The following EZH2 variants were observed in gnomAD, a reference collection of about 807,000 sequenced individuals.
EZH2 encodes the protein histone-lysine N-methyltransferase EZH2.
EZH2 carries 18 observed loss-of-function variants against 98.4 expected under a neutral mutation model. The ratio of observed to expected loss-of-function variants is 0.18; its 90% CI spans 0.13 to 0.27. The LOEUF (loss-of-function observed/expected upper bound fraction) is 0.27. Ranked by LOEUF, EZH2 falls within the 10% of genes least tolerant of loss-of-function variation. EZH2 has a pLI of 1.00. For missense variants in EZH2, 470 were observed against 935.1 expected (o/e 0.50, Z 6.49); for synonymous variants, 338 against 312.3 (o/e 1.08, Z -0.87).
chr7:148,808,020 G>A (rs1351448965), intron 19 of EZH2, among the ~76,000 whole-genome samples: 2 of 152,174 alleles, frequency 1.3e-5, no homozygotes, highest in Non-Finnish European at 2.9e-5. Flanking sequence ...CAGGAAGGCT[G>A]GTCCACATCA....
rs568889735 is a variant in EZH2, at chr7:148,835,191, G to A, written c.247-2441C>T. Among the ~76,000 whole-genome samples, 363 of 152,206 alleles carry A rather than the reference G, an allele frequency of 2.4e-3. 4 individuals carry two copies. The highest frequency in any genetic ancestry group is 2.2e-3 in the Non-Finnish European group (152 of 68,018). The stretch of plus-strand genomic sequence containing the variant: ...TCTCAGCACTTTGGCAGGCCAAGAC[G>A]GGCAGATCGCTTGAGCCCAGAAGTT... On this transcript the variant is annotated intron_variant, in intron 3 of 19. Transcript: ENST00000320356.
intron 1 of EZH2, among the ~76,000 whole-genome samples, chr7:148,850,002 T>C (rs1389996241): frequency 6.6e-6 from 1 of 152,136 alleles, no homozygotes; most frequent in Non-Finnish European, 1.5e-5. Flanking sequence ...TTCACTGATG[T>C]ATAATGTGGG....
chr7:148,811,904 A>C, intron 15 of EZH2, 184 bp from the exon 16 acceptor site: 1 of 570,620 alleles, frequency 1.8e-6, no homozygotes, highest in Non-Finnish European at 3.1e-6. Flanking sequence ...TATGAACATT[A>C]TGTTTTCCTT....
intron 1 of EZH2, among the ~76,000 whole-genome samples, chr7:148,882,653 G>C (rs1308441155): frequency 1.3e-5 from 2 of 152,102 alleles, no homozygotes; most frequent in Non-Finnish European, 2.9e-5. Flanking sequence ...ACCCCTAAAA[G>C]TATAAACTAC....
intron 3 of EZH2, among the ~76,000 whole-genome samples, chr7:148,839,053 T>TGAAGG (rs372317148): frequency 2.5e-4 from 27 of 107,814 alleles, no homozygotes; most frequent in Admixed American, 4.1e-4. Context: ...CTCTGTCAAA[T>TGAAGG]AAGGAAGGAA....
intron 15 of EZH2, 85 bp downstream of exon 15, chr7:148,813,874 A>C (rs1477770370): frequency 7.1e-7 from 1 of 1,405,440 alleles, no homozygotes; most frequent in Non-Finnish European, 9.7e-7. Flanking sequence ...TTTTTGCCCC[A>C]GCTAAATCAT....
In EZH2 at chr7:148,809,094, G is replaced by A. The variant is rs141143319; in HGVS notation, c.2172C>T (p.Gly724=). ...ACCTGTAATCAAAAAACAGCTCTTCGCCAGTCTGGATGGCTCTCTTGGCAA... is the reference window on the plus strand; with the variant it reads ...ACCTGTAATCAAAAAACAGCTCTTCACCAGTCTGGATGGCTCTCTTGGCAA... ...GIFAKRAIQT[G]EELFFDYRYS... is the part of the protein sequence containing the mutation. The change falls in exon 19 of 20, where the codon GGC becomes GGT. Residue 724 remains glycine (G), a synonymous_variant. Coordinates refer to ENST00000320356, the MANE Select transcript of EZH2 (RefSeq NM_004456.5). The A allele has an allele frequency of 7.7e-5, 124 of 1,614,072 alleles. No individual in the cohort carries two copies. Among genetic ancestry groups the A allele is most frequent in the African/African-American group, 2.5e-4 (19 of 75,030 alleles).
intron 9 of EZH2, among the ~76,000 whole-genome samples, chr7:148,818,323 T>C (rs1447820960): frequency 3.3e-5 from 5 of 152,218 alleles, no homozygotes; most frequent in Non-Finnish European, 7.3e-5. Context: ...ATGGGTTCTA[T>C]ATATTCCTAG....
chr7:148,845,238 A>C (rs911298979), intron 3 of EZH2, among the ~76,000 whole-genome samples: 1 of 152,178 alleles, frequency 6.6e-6, no homozygotes, highest in African/African-American at 2.4e-5. Flanking sequence ...CCAAATAAAA[A>C]CTTTCAAAGC....
At chr7:148,873,288 T>TC (rs1412770977) in intron 1 of EZH2, among the ~76,000 whole-genome samples, 1 of 152,004 alleles carries the variant, frequency 6.6e-6, no homozygotes, top group Non-Finnish European at 1.5e-5. Flanking sequence ...GGTCAGGAGT[T>TC]CAAGACCAGT....
intron 1 of EZH2, among the ~76,000 whole-genome samples, chr7:148,877,095 T>C (rs1820276155): frequency 6.6e-6 from 1 of 152,128 alleles, no homozygotes; most frequent in Non-Finnish European, 1.5e-5. Flanking sequence ...TGTATTGACC[T>C]TAAAAAAAAG....
At chr7:148,826,209 A>AG (rs1491395948) in intron 8 of EZH2, among the ~76,000 whole-genome samples, 309 of 140,734 alleles carry the variant, frequency 2.2e-3, no homozygotes, top group African/African-American at 7.8e-3. Flanking sequence ...CTTACGGGGG[A>AG]AAAAAAAAAA....
chr7:148,814,318 G>A (rs1048199926), intron 14 of EZH2, among the ~76,000 whole-genome samples, 181 bp from the exon 15 acceptor site: 1 of 152,074 alleles, frequency 6.6e-6, no homozygotes, highest in African/African-American at 2.4e-5. Context: ...TGTTTGCACT[G>A]AAAAAGACCA....
rs1807769007 is a variant in EZH2, at chr7:148,826,560, T to C, written c.801A>G (p.Pro267=). 5.6e-6 allele frequency: 9 copies of C among 1,593,638 alleles called. No homozygotes were observed. The highest frequency in any genetic ancestry group is 6.9e-6 in the Non-Finnish European group (8 of 1,167,568). ...GCTCTCTCTGAACAGATTTAGCATTTGGTCCATCTATGTTGGGGGTACATT... is the reference window on the plus strand; with the variant it reads ...GCTCTCTCTGAACAGATTTAGCATTCGGTCCATCTATGTTGGGGGTACATT... ...PPECTPNIDG[P]NAKSVQREQS... is the part of the protein sequence containing the mutation. The change falls in exon 8 of 20, where the codon CCA becomes CCG. Residue 267 remains proline, a synonymous_variant. Coordinates refer to ENST00000320356, the MANE Select transcript of EZH2 (RefSeq NM_004456.5).
intron 1 of EZH2, among the ~76,000 whole-genome samples, chr7:148,866,641 T>C (rs868291206): frequency 6.8e-6 from 1 of 146,962 alleles, no homozygotes; most frequent in African/African-American, 2.5e-5. Flanking sequence ...TATATACATA[T>C]ACATATACGT....
At chr7:148,881,360 A>G (rs1266819550) in intron 1 of EZH2, among the ~76,000 whole-genome samples, 2 of 152,178 alleles carry the variant, frequency 1.3e-5, no homozygotes, top group Non-Finnish European at 2.9e-5. Flanking sequence ...ATTTGCCTAA[A>G]ATTTTTAAAT....
intron 6 of EZH2, among the ~76,000 whole-genome samples, chr7:148,827,941 C>A (rs1046550482): frequency 2.0e-5 from 3 of 152,152 alleles, no homozygotes; most frequent in African/African-American, 4.8e-5. Flanking sequence ...CACGGTGAAA[C>A]CCCGTCTCTA....
intron 1 of EZH2, among the ~76,000 whole-genome samples, chr7:148,878,545 G>C (rs1234821864): frequency 6.6e-6 from 1 of 151,914 alleles, no homozygotes; most frequent in Non-Finnish European, 1.5e-5. Flanking sequence ...GTTTTCATTG[G>C]TTTATATACC....
chr7:148,848,284 A>C (rs961191923), intron 1 of EZH2, among the ~76,000 whole-genome samples: 19 of 152,328 alleles, frequency 1.2e-4, no homozygotes, highest in Non-Finnish European at 2.6e-4. Context: ...AGGTTAGATG[A>C]TGCTGCAGCA....
Sources: gnomAD v4.1 joint callset for allele counts (sites outside exome capture counted in the v4.1 genomes callset) on GRCh38, gnomAD v4.1.1 for gene constraint, MANE v1.5 for transcripts, NCBI Gene and HGNC (gene_info 2026-07-23, HGNC 2026-07-21) for gene names.